The following THSD7B variants were observed in gnomAD, a reference collection of about 807,000 sequenced individuals.
The protein encoded by THSD7B is thrombospondin type 1 domain containing 7B.
Under a neutral mutation model 213.6 loss-of-function variants are expected in THSD7B, and 138 were observed. The ratio of observed to expected loss-of-function variants is 0.65; its 90% CI spans 0.56 to 0.74. THSD7B has a LOEUF of 0.74. THSD7B is among the 30% of genes least tolerant of loss of function. The pLI is 0.00. For synonymous variants in THSD7B, 742 were observed against 687.0 expected (o/e 1.08, Z -1.25); for missense variants, 1,931 against 1,991.5 (o/e 0.97, Z 0.58).
intron 27 of THSD7B, among the ~76,000 whole-genome samples, chr2:137,675,567 C>G (rs569334534): frequency 3.3e-5 from 5 of 152,006 alleles, no homozygotes; most frequent in African/African-American, 1.2e-4. Context: ...TAGTCCTTCT[C>G]TGTAAAGTAG....
intron 1 of THSD7B, among the ~76,000 whole-genome samples, chr2:136,770,013 G>T (rs1254584010): frequency 1.3e-5 from 2 of 152,176 alleles, no homozygotes; most frequent in East Asian, 3.8e-4. Flanking sequence ...TCAATGCCTT[G>T]ACTTGGAAGA....
At chr2:137,171,580 A>G (rs1050126025) in intron 7 of THSD7B, among the ~76,000 whole-genome samples, 2 of 152,220 alleles carry the variant, frequency 1.3e-5, no homozygotes, top group African/African-American at 2.4e-5. Context: ...GAAAAGTGAC[A>G]TGTAAAACCT....
chr2:136,869,073 T>C (rs1219083595), intron 1 of THSD7B, among the ~76,000 whole-genome samples: 2 of 152,200 alleles, frequency 1.3e-5, no homozygotes, highest in Non-Finnish European at 2.9e-5. Context: ...TATTAAATGA[T>C]TTAACTTCCT....
At chr2:136,771,712 T>G (rs1681509091) in intron 1 of THSD7B, among the ~76,000 whole-genome samples, 1 of 152,176 alleles carries the variant, frequency 6.6e-6, no homozygotes, top group Non-Finnish European at 1.5e-5. Flanking sequence ...ATTTTCATGT[T>G]TGATTGAATC....
At chr2:136,856,337 C>G (rs943119354) in intron 1 of THSD7B, among the ~76,000 whole-genome samples, 5 of 152,134 alleles carry the variant, frequency 3.3e-5, no homozygotes, top group African/African-American at 9.7e-5. Context: ...TTTTAACAGG[C>G]TGAGGCCAGT....
intron 3 of THSD7B, among the ~76,000 whole-genome samples, chr2:137,089,236 A>G (rs1433672107): frequency 6.9e-6 from 1 of 145,518 alleles, no homozygotes; most frequent in Non-Finnish European, 1.5e-5. Flanking sequence ...ATGAGTGGAT[A>G]AAGAAAGTGG....
chr2:137,375,842 T>C (rs1445360929), intron 12 of THSD7B, among the ~76,000 whole-genome samples: 1 of 152,226 alleles, frequency 6.6e-6, no homozygotes, highest in African/African-American at 2.4e-5. Flanking sequence ...AAATGCCTTC[T>C]TGACATGGCA....
At chr2:137,644,344 C>T (rs1003742682) in intron 21 of THSD7B, among the ~76,000 whole-genome samples, 1 of 152,292 alleles carries the variant, frequency 6.6e-6, no homozygotes, top group Non-Finnish European at 1.5e-5. Context: ...CAGTGCCAAT[C>T]AGCATTCTTC....
At chr2:137,243,309 A>G (rs1053902127) in intron 10 of THSD7B, among the ~76,000 whole-genome samples, 1 of 152,238 alleles carries the variant, frequency 6.6e-6, no homozygotes, top group Non-Finnish European at 1.5e-5. Context: ...TTAATAACTT[A>G]GTCCCTCTCT....
intron 14 of THSD7B, among the ~76,000 whole-genome samples, chr2:137,421,241 A>C (rs1686919501): frequency 6.6e-6 from 1 of 152,128 alleles, no homozygotes; most frequent in Non-Finnish European, 1.5e-5. Flanking sequence ...AGCAGATACC[A>C]GTTGGTTGTC....
At chr2:137,521,825 A>C (rs1261285838) in intron 15 of THSD7B, among the ~76,000 whole-genome samples, 1 of 152,020 alleles carries the variant, frequency 6.6e-6, no homozygotes, top group Non-Finnish European at 1.5e-5. Flanking sequence ...AGGGCCTGTC[A>C]GTCAGAGAAT....
intron 15 of THSD7B, among the ~76,000 whole-genome samples, chr2:137,531,787 A>C (rs1680402488): frequency 6.6e-6 from 1 of 151,920 alleles, no homozygotes; most frequent in Non-Finnish European, 1.5e-5. Flanking sequence ...GCTTTATACC[A>C]CTACCTAGTA....
intron 17 of THSD7B, among the ~76,000 whole-genome samples, chr2:137,602,559 C>T (rs534114612): frequency 2.9e-4 from 44 of 152,086 alleles, no homozygotes; most frequent in Non-Finnish European, 4.7e-4. Context: ...TGAGCCACCG[C>T]GCCCTGCCAA....
At chr2:137,607,948 C>T (rs1261877696) in intron 17 of THSD7B, among the ~76,000 whole-genome samples, 1 of 152,208 alleles carries the variant, frequency 6.6e-6, no homozygotes, top group Non-Finnish European at 1.5e-5. Flanking sequence ...GACATTTATG[C>T]ATCATCCTAA....
In THSD7B at chr2:137,198,248, A is replaced by T. The variant is rs571750194; in HGVS notation, c.1723+27310A>T. 2.3e-4 allele frequency among the ~76,000 whole-genome samples: 35 copies of T among 152,164 alleles called. No individual in the cohort carries two copies. In the East Asian group the frequency reaches 6.2e-3, roughly 27 times the overall value. On this transcript the variant is annotated intron_variant, in intron 7 of 27. Coordinates refer to ENST00000409968, the MANE Select transcript of THSD7B (RefSeq NM_001316349.2). ...ACTCATTTATTTTCTTCCTTCTGGG[A>T]TTCCTCTTTTCACCACCTGCCCTTC... is the stretch of plus-strand genomic sequence containing the variant.
intron 2 of THSD7B, among the ~76,000 whole-genome samples, chr2:136,949,632 G>C (rs1219090116): frequency 1.3e-5 from 2 of 152,222 alleles, no homozygotes; most frequent in Non-Finnish European, 2.9e-5. Context: ...AGCAACTACA[G>C]ACCAGGAGTT....
At chr2:137,513,646 A>T (rs1013252406) in intron 15 of THSD7B, among the ~76,000 whole-genome samples, 1 of 152,352 alleles carries the variant, frequency 6.6e-6, no homozygotes, top group East Asian at 1.9e-4. Flanking sequence ...TCATTAAAAA[A>T]GTTATTATTA....
At chr2:136,984,787 A>G (rs1449055202) in intron 2 of THSD7B, among the ~76,000 whole-genome samples, 2 of 152,196 alleles carry the variant, frequency 1.3e-5, no homozygotes, top group East Asian at 3.9e-4. Flanking sequence ...GAAATTGCTT[A>G]GGGACTGTTA....
At chr2:137,133,497 T>A (rs1456896796) in intron 5 of THSD7B, among the ~76,000 whole-genome samples, 1 of 149,926 alleles carries the variant, frequency 6.7e-6, no homozygotes, top group Non-Finnish European at 1.5e-5. Context: ...ACCCAGGGAT[T>A]TTTTTTTTTA....
Sources: allele counts gnomAD v4.1 joint callset (sites outside exome capture counted in the v4.1 genomes callset), GRCh38; gene constraint gnomAD v4.1.1; transcripts MANE v1.5; gene names NCBI Gene and HGNC (gene_info 2026-07-23, HGNC 2026-07-21).